The following DNAJA4 variants were observed in gnomAD, a reference collection of about 807,000 sequenced individuals.
The protein encoded by DNAJA4 is DnaJ heat shock protein family (Hsp40) member A4, also known as dnaJ homolog subfamily A member 4.
Under a neutral mutation model 39.7 loss-of-function variants are expected in DNAJA4, and 32 were observed. That is an observed-to-expected ratio of 0.81 (90% confidence interval 0.61 to 1.08). The LOEUF (loss-of-function observed/expected upper bound fraction) is 1.08. Among genes scored for constraint, DNAJA4 ranks in the 50% least tolerant of loss-of-function variants. DNAJA4 has a pLI of 0.00. For missense variants in DNAJA4, 439 were observed against 505.1 expected (o/e 0.87, Z 1.25); for synonymous variants, 184 against 182.4 (o/e 1.01, Z -0.07).
intron 4 of DNAJA4, 59 bp downstream of exon 4, chr15:78,274,483 C>T (rs1595926465): frequency 1.8e-5 from 26 of 1,458,728 alleles, no homozygotes; most frequent in African/African-American, 1.3e-4. Context: ...GGGTGCTAAT[C>T]GTGAGATACA....
At position 78,264,592 on chromosome 15, in the gene DNAJA4, C is replaced by T; in HGVS notation, c.-172C>T. 8.5e-7 allele frequency: 1 copy of T among 1,173,016 alleles called. No homozygotes were observed. Among genetic ancestry groups the T allele is most frequent in the East Asian group, 3.8e-5 (1 of 26,504 alleles). The allele number at this position is 1,173,016 out of a possible 1,614,324, so 72.7% of individuals were successfully genotyped here. On this transcript the variant is annotated 5_prime_UTR_variant, in exon 1 of 7. Coordinates refer to ENST00000394852, the MANE Select transcript of DNAJA4 (RefSeq NM_001130182.2). ...GGTGGAGCCAGGCGTGGAAGTCGGT[C>T]CGGCGCGGGGCGGGGGGCGGGCGGG... is the stretch of plus-strand genomic sequence containing the variant.
intron 1 of DNAJA4, chr15:78,265,589 T>C (rs529703125): frequency 1.3e-5 from 9 of 702,380 alleles, no homozygotes; most frequent in Admixed American, 6.0e-5. Context: ...GAAAATGCTC[T>C]GCATTTTAGA....
chr15:78,280,389 C>T lies in DNAJA4; in HGVS notation c.1123C>T (p.Arg375Cys), dbSNP rs2049621850. The T allele has an allele frequency of 3.1e-6, 5 of 1,614,020 alleles. No homozygotes were observed. Among genetic ancestry groups the T allele is most frequent in the Middle Eastern group, 1.6e-4 (1 of 6,084 alleles). ...KEFCPNEQNW[R>C]QHREAYEEDE... ...GTTTTGTCCCAATGAGCAGAACTGGCGTCAGCACAGGGAGGCCTACGAGGA... is the reference window on the plus strand; with the variant it reads ...GTTTTGTCCCAATGAGCAGAACTGGTGTCAGCACAGGGAGGCCTACGAGGA... Residue 375 changes from arginine (R) to cysteine (C), a missense_variant, in exon 7 of 7, where the codon CGT becomes TGT. Physicochemically the swap from Arg to Cys is radical, Grantham distance 180. Transcript: ENST00000394852.
intron 5 of DNAJA4, among the ~76,000 whole-genome samples, chr15:78,276,587 G>A (rs1441899463): frequency 1.3e-5 from 2 of 152,268 alleles, no homozygotes; most frequent in African/African-American, 4.8e-5. Flanking sequence ...ATAGCACTAA[G>A]GTCAGCTGTG....
Position 78,280,370 on chromosome 15 carries a change from T to A in DNAJA4, c.1104T>A (p.Cys368Ter). Residue 368 changes from cysteine to a stop codon, truncating the protein, a stop_gained, in exon 7 of 7, where the codon TGT becomes TGA. Transcript: ENST00000394852. LOFTEE classifies it high-confidence loss of function. ...ATCAGGTGGAGCTGAAGGAGTTTTGTCCCAATGAGCAGAACTGGCGTCAGC... is the reference window on the plus strand; with the variant it reads ...ATCAGGTGGAGCTGAAGGAGTTTTGACCCAATGAGCAGAACTGGCGTCAGC... ...DMDQVELKEF[C>*]PNEQNWRQHR... The A allele has an allele frequency of 6.2e-6, 10 of 1,614,168 alleles. No homozygotes were observed. The highest frequency in any genetic ancestry group is 8.5e-6 in the Non-Finnish European group (10 of 1,180,034).
intron 4 of DNAJA4, chr15:78,275,162 G>C: frequency 3.2e-6 from 1 of 316,508 alleles, no homozygotes; most frequent in South Asian, 5.0e-5. Context: ...TCAGTCCCAA[G>C]TCATGCACCC....
intron 2 of DNAJA4, among the ~76,000 whole-genome samples, chr15:78,272,584 T>G (rs2049332207): frequency 6.6e-6 from 1 of 152,164 alleles, no homozygotes; most frequent in Non-Finnish European, 1.5e-5. Flanking sequence ...CCCACTGTCC[T>G]GAGTTGCAGA....
chr15:78,280,556 G>C lies in DNAJA4; in HGVS notation c.*96G>C. 9.1e-7 allele frequency: 1 copy of C among 1,096,172 alleles called. No homozygotes were observed. The highest frequency in any genetic ancestry group is 1.3e-6 in the Non-Finnish European group (1 of 769,742). 67.9% of individuals were successfully genotyped at this position (1,096,172 alleles called of 1,614,324 possible). The stretch of plus-strand genomic sequence containing the variant: ...CATCGCTTTAATGGCCTTGTGTTTG[G>C]GATGTCCTGTGTATGTGTTCAGCAT... On this transcript the variant is annotated 3_prime_UTR_variant, in exon 7 of 7. Transcript: ENST00000394852.
At chr15:78,266,284 A>G (rs1437908063) in intron 1 of DNAJA4, 1 of 1,613,902 alleles carries the variant, frequency 6.2e-7, no homozygotes. Flanking sequence ...AAATCTCAGC[A>G]CTCACAAGAG....
At chr15:78,268,883 A>C (rs763777362) in intron 1 of DNAJA4, among the ~76,000 whole-genome samples, 11 of 152,168 alleles carry the variant, frequency 7.2e-5, no homozygotes, top group Non-Finnish European at 1.6e-4. Flanking sequence ...CATGATATGG[A>C]GAAATATGCA....
At chr15:78,264,222 A>T, upstream of DNAJA4, 1 of 927,472 alleles carries the variant, frequency 1.1e-6, no homozygotes, top group Non-Finnish European at 1.5e-6. Flanking sequence ...GGCTCCACGG[A>T]CCCACGGAAG....
At chr15:78,270,408 C>T in intron 1 of DNAJA4, 89 bp from the exon 2 acceptor site, 3 of 1,393,176 alleles carry the variant, frequency 2.2e-6, no homozygotes, top group South Asian at 2.7e-5. Flanking sequence ...GGCAGAATAC[C>T]TCTATTACTT....
chr15:78,270,435 A>G, intron 1 of DNAJA4, 62 bp from the exon 2 acceptor site: 1 of 1,535,008 alleles, frequency 6.5e-7, no homozygotes, highest in Non-Finnish European at 8.9e-7. Context: ...TTTATATGGC[A>G]GGTTTGCTTA....
At chr15:78,278,193 GTCT>G (rs758885218) in intron 5 of DNAJA4, 62 of 456,046 alleles carry the variant, frequency 1.4e-4, no homozygotes, top group African/African-American at 1.0e-3. Flanking sequence ...CTAACTCGTG[GTCT>G]TCTTCTCTTA....
chr15:78,270,283 C>T, intron 1 of DNAJA4: 1 of 513,128 alleles, frequency 1.9e-6, no homozygotes, highest in Non-Finnish European at 3.5e-6. Context: ...GTGTCCCTAC[C>T]ACCAGTCCCT....
chr15:78,278,286 C>G (rs1310408769), intron 5 of DNAJA4: 1 of 455,888 alleles, frequency 2.2e-6, no homozygotes, highest in Non-Finnish European at 4.4e-6. Context: ...GGCTTGAGAG[C>G]AGCAAGAAGC....
At chr15:78,280,218 C>G (rs1303083050) in intron 6 of DNAJA4, 27 bp from the exon 7 acceptor site, 3 of 1,611,282 alleles carry the variant, frequency 1.9e-6, no homozygotes, top group East Asian at 2.2e-5. Context: ...AAACAGCCAC[C>G]TTTCTTTCCC....
chr15:78,267,886 A>AACAGTAACAGGATTACT (rs2049186675), intron 1 of DNAJA4, among the ~76,000 whole-genome samples: 1 of 152,160 alleles, frequency 6.6e-6, no homozygotes. Flanking sequence ...GCTGTATAGT[A>AACAGTAACAGGATTACT]ATCCTGTTAA....
intron 3 of DNAJA4, among the ~76,000 whole-genome samples, chr15:78,273,713 AC>A (rs1380418113): frequency 1.3e-5 from 2 of 152,140 alleles, no homozygotes; most frequent in Non-Finnish European, 2.9e-5. Flanking sequence ...TGGTTTCTTG[AC>A]CCCTGACTTA....
Sources: allele counts gnomAD v4.1 joint callset (sites outside exome capture counted in the v4.1 genomes callset), GRCh38; gene constraint gnomAD v4.1.1; transcripts MANE v1.5; gene names NCBI Gene and HGNC (gene_info 2026-07-23, HGNC 2026-07-21).